MGAT5: variants seen among roughly 807,000 people sequenced by gnomAD.
MGAT5 encodes the protein alpha-1,6-mannosylglycoprotein 6-beta-N-acetylglucosaminyltransferase.
A neutral mutation model predicts 94.3 loss-of-function variants in MGAT5; 30 were observed. The ratio of observed to expected loss-of-function variants is 0.32; its 90% CI spans 0.24 to 0.43. The LOEUF is 0.43. MGAT5 is among the 20% of genes least tolerant of loss of function. MGAT5 has a pLI of 1.00. For missense variants in MGAT5, 691 were observed against 905.5 expected (o/e 0.76, Z 3.04); for synonymous variants, 310 against 322.9 (o/e 0.96, Z 0.43).
intron 12 of MGAT5, among the ~76,000 whole-genome samples, chr2:134,418,449 A>T (rs1291249429): frequency 1.3e-5 from 2 of 152,178 alleles, no homozygotes; most frequent in Non-Finnish European, 2.9e-5. Context: ...CATCAGTCCT[A>T]GGCTCCCCCA....
chr2:134,451,936 A>C lies in MGAT5; in HGVS notation c.*3089A>C, dbSNP rs187679810. 2 of 152,214 alleles carry C rather than the reference A, an allele frequency of 1.3e-5. No homozygotes were observed. The highest frequency in any genetic ancestry group is 4.8e-5 in the African/African-American group (2 of 41,518). 9.4% of individuals were successfully genotyped at this position (152,214 alleles called of 1,614,324 possible). A position where few individuals can be genotyped will look rare whatever the true frequency, so the allele number is the denominator to read the frequency against. On this transcript the variant is annotated 3_prime_UTR_variant, in exon 16 of 16. Transcript: ENST00000281923. Reference sequence around the variant, plus strand: ...CTGGGTTTGTGTCACTGCTCATTACAGTTTGCTTTTTTGTGTGTTTGCTGT... The same window carrying C: ...CTGGGTTTGTGTCACTGCTCATTACCGTTTGCTTTTTTGTGTGTTTGCTGT...
rs1044331810 is a variant in MGAT5, at chr2:134,373,738, C to A, written c.1380+11330C>A. On this transcript the variant is annotated intron_variant, in intron 10 of 15. Transcript: ENST00000281923. Reference sequence around the variant, plus strand: ...CTTCCAGTGTTCCCACAGAGCTCCTCGTGGCATCTCAGCCCTCCTGAGGCA... The same window carrying A: ...CTTCCAGTGTTCCCACAGAGCTCCTAGTGGCATCTCAGCCCTCCTGAGGCA... Among the ~76,000 whole-genome samples the A allele has an allele frequency of 2.6e-5, 4 of 152,234 alleles. No homozygotes were observed. In the South Asian group the frequency reaches 8.3e-4, roughly 32 times the overall value.
chr2:134,454,525 A>G lies in MGAT5; in HGVS notation c.*5678A>G, dbSNP rs771902078. 2 of 152,212 alleles carry G rather than the reference A, an allele frequency of 1.3e-5. No homozygotes were observed. The highest frequency in any genetic ancestry group is 2.4e-5 in the African/African-American group (1 of 41,444). The allele number at this position is 152,212 out of a possible 1,614,324, so 9.4% of individuals were successfully genotyped here. A position where few individuals can be genotyped will look rare whatever the true frequency, so the allele number is the denominator to read the frequency against. ...TCTGCAAACAAGGTGTCGCCGTCCA[A>G]ATGTACTGTCCTGGCATAGAGAGCA... On this transcript the variant is annotated 3_prime_UTR_variant, in exon 16 of 16. Transcript: ENST00000281923.
chr2:134,441,822 C>G lies in MGAT5; in HGVS notation c.1934C>G (p.Pro645Arg). Residue 645 changes from proline to arginine, a missense_variant, in exon 15 of 16, where the codon CCC becomes CGC. This residue lies in a region of MGAT5 where 260 missense variants were observed against 347.0 expected (regional missense o/e 0.75). Coordinates refer to ENST00000281923, the MANE Select transcript of MGAT5 (RefSeq NM_002410.5). ...LSALQVKLAE[P>R]GQSCKQVCQE... Reference sequence around the variant, plus strand: ...GCCCTACAGGTCAAGCTTGCTGAGCCCGGGCAGTCCTGCAAGCAGGTGTGC... The same window carrying G: ...GCCCTACAGGTCAAGCTTGCTGAGCGCGGGCAGTCCTGCAAGCAGGTGTGC... The G allele has an allele frequency of 6.2e-7, 1 of 1,614,140 alleles. No individual in the cohort carries two copies.
chr2:134,309,117 A>G (rs1457384478), intron 2 of MGAT5, among the ~76,000 whole-genome samples: 2 of 152,136 alleles, frequency 1.3e-5, no homozygotes, highest in Non-Finnish European at 2.9e-5. Context: ...ATCTAGCATA[A>G]TGTTTTCAAG....
chr2:134,283,858 A>G (rs1684854014), intron 2 of MGAT5, among the ~76,000 whole-genome samples: 2 of 151,926 alleles, frequency 1.3e-5, no homozygotes, highest in African/African-American at 4.8e-5. Flanking sequence ...ATGCAAGGAT[A>G]CATCGCTGCA....
intron 13 of MGAT5, among the ~76,000 whole-genome samples, chr2:134,424,703 T>G (rs974959211): frequency 1.3e-5 from 2 of 152,188 alleles, no homozygotes; most frequent in African/African-American, 4.8e-5. Context: ...ATTCTCTCTG[T>G]TCTGGAAGCA....
At chr2:134,310,143 G>A (rs1022090207) in intron 2 of MGAT5, among the ~76,000 whole-genome samples, 1 of 152,134 alleles carries the variant, frequency 6.6e-6, no homozygotes, top group African/African-American at 2.4e-5. Context: ...GTAGCTTCTG[G>A]TTTTTATACA....
chr2:134,295,399 C>T (rs1685614581), intron 2 of MGAT5, among the ~76,000 whole-genome samples: 1 of 152,116 alleles, frequency 6.6e-6, no homozygotes, highest in African/African-American at 2.4e-5. Flanking sequence ...AATGTGGTAT[C>T]TTAGGATCCT....
At chr2:134,292,764 G>A (rs1178632527) in intron 2 of MGAT5, among the ~76,000 whole-genome samples, 2 of 152,184 alleles carry the variant, frequency 1.3e-5, no homozygotes, top group East Asian at 3.8e-4. Context: ...CGAGCAAGGG[G>A]TAGCTCTTGT....
intron 2 of MGAT5, among the ~76,000 whole-genome samples, chr2:134,309,511 T>C (rs1686524534): frequency 6.6e-6 from 1 of 152,224 alleles, no homozygotes. Flanking sequence ...TTTTAGTTGA[T>C]GTGAAGTCGT....
chr2:134,133,236 A>G (rs902497143), intron 1 of MGAT5, among the ~76,000 whole-genome samples: 6 of 152,232 alleles, frequency 3.9e-5, no homozygotes, highest in Non-Finnish European at 7.3e-5. Context: ...ACATTAAATC[A>G]TGGACTTCTG....
At chr2:134,140,659 G>C (rs1022757841) in intron 1 of MGAT5, among the ~76,000 whole-genome samples, 2 of 152,204 alleles carry the variant, frequency 1.3e-5, no homozygotes, top group Admixed American at 1.3e-4. Context: ...GTCATAAGCA[G>C]TCCCATTGCT....
At chr2:134,372,699 C>T (rs1680888699) in intron 10 of MGAT5, among the ~76,000 whole-genome samples, 1 of 152,156 alleles carries the variant, frequency 6.6e-6, no homozygotes. Flanking sequence ...GGAGGTGTTC[C>T]AGAAGCCTGG....
At chr2:134,187,367 G>A (rs983965025) in intron 1 of MGAT5, among the ~76,000 whole-genome samples, 1 of 152,154 alleles carries the variant, frequency 6.6e-6, no homozygotes, top group East Asian at 1.9e-4. Context: ...TAGTGACATG[G>A]ACTCAGGTGA....
At chr2:134,242,723 ATG>A (rs1266789289) in intron 1 of MGAT5, among the ~76,000 whole-genome samples, 11 of 152,216 alleles carry the variant, frequency 7.2e-5, no homozygotes, top group African/African-American at 2.2e-4. Flanking sequence ...TCGAGTAGCA[ATG>A]TTATAGAGGT....
chr2:134,212,847 C>A (rs1680272816), intron 1 of MGAT5, among the ~76,000 whole-genome samples: 1 of 152,200 alleles, frequency 6.6e-6, no homozygotes, highest in African/African-American at 2.4e-5. Flanking sequence ...CAACTATTAT[C>A]TTCCAGAGAG....
chr2:134,225,915 GCTTTACGAGA>G (rs1391223237), intron 1 of MGAT5, among the ~76,000 whole-genome samples: 1 of 152,224 alleles, frequency 6.6e-6, no homozygotes. Flanking sequence ...CAGTTTTAGA[GCTTTACGAGA>G]CTTTTGACCT....
At chr2:134,317,195 G>A (rs1687044603) in intron 2 of MGAT5, among the ~76,000 whole-genome samples, 1 of 152,132 alleles carries the variant, frequency 6.6e-6, no homozygotes, top group African/African-American at 2.4e-5. Flanking sequence ...TAATCACATG[G>A]CTTTATTTCC....
Sources: gnomAD v4.1 joint callset for allele counts (sites outside exome capture counted in the v4.1 genomes callset) on GRCh38, gnomAD v4.1.1 for gene constraint, gnomAD v4.1.1 regional missense constraint, MANE v1.5 for transcripts, NCBI Gene and HGNC (gene_info 2026-07-23, HGNC 2026-07-21) for gene names.